The following SRGAP1 variants were observed in gnomAD, a reference collection of about 807,000 sequenced individuals.
SRGAP1 encodes SLIT-ROBO Rho GTPase-activating protein 1.
In SRGAP1, 43 loss-of-function variants were observed where a neutral mutation model predicts 121.9. The ratio of observed to expected loss-of-function variants is 0.35; its 90% confidence interval spans 0.28 to 0.46. The LOEUF is 0.46. Among genes scored for constraint, SRGAP1 ranks in the 20% least tolerant of loss-of-function variants. The pLI is 1.00. For synonymous variants in SRGAP1, 447 were observed against 485.4 expected, an observed-to-expected ratio of 0.92 and a Z score of 1.04; for missense variants, 1,102 against 1,350.9, an observed-to-expected ratio of 0.82 and a Z score of 2.89.
At chr12:64,017,773 A>T (rs961150566) in intron 4 of SRGAP1, among the ~76,000 whole-genome samples, 6 of 152,126 alleles carry the variant, frequency 3.9e-5, no homozygotes, top group African/African-American at 1.2e-4. Context: ...TGACATATTA[A>T]AACTACTTTT....
chr12:63,978,363 A>G (rs796878039), intron 1 of SRGAP1, among the ~76,000 whole-genome samples: 5 of 152,064 alleles, frequency 3.3e-5, no homozygotes, highest in African/African-American at 1.2e-4. Flanking sequence ...CTTAGCAGCC[A>G]TTTTTCCCCA....
chr12:63,892,028 G>A (rs989741914), intron 1 of SRGAP1, among the ~76,000 whole-genome samples: 2 of 149,852 alleles, frequency 1.3e-5, no homozygotes, highest in East Asian at 3.9e-4. Context: ...AAGAGATGAA[G>A]GTCGTAGAAA....
chr12:64,010,168 T>C (rs2034209574), intron 3 of SRGAP1, among the ~76,000 whole-genome samples: 1 of 152,146 alleles, frequency 6.6e-6, no homozygotes, highest in South Asian at 2.1e-4. Flanking sequence ...ATATTTAATC[T>C]GGTTTTTCTC....
intron 7 of SRGAP1, among the ~76,000 whole-genome samples, chr12:64,063,400 A>G (rs994757724): frequency 1.3e-5 from 2 of 152,172 alleles, no homozygotes; most frequent in African/African-American, 4.8e-5. Context: ...TTTTTGTTCC[A>G]CCTCAAGACA....
rs533820163 is a variant in SRGAP1, at chr12:63,947,981, G to GT, written c.68-35956dup. ...TCCTTCTATTCTTGCTTTGCTAACAGTTTTTTTTTTCCTGAATGGATTTGA... is the reference window on the plus strand; with the variant it reads ...TCCTTCTATTCTTGCTTTGCTAACAGTTTTTTTTTTTCCTGAATGGATTTGA... On this transcript the variant is annotated intron_variant, in intron 1 of 21. Coordinates refer to ENST00000355086, the MANE Select transcript of SRGAP1 (RefSeq NM_020762.4). 2.8e-3 allele frequency among the ~76,000 whole-genome samples: 409 copies of GT among 148,524 alleles called. 4 individuals are homozygous for GT. Among genetic ancestry groups the GT allele is most frequent in the African/African-American group, 9.0e-3 (367 of 40,562 alleles).
At chr12:64,067,603 A>AT (rs144922363) in intron 8 of SRGAP1, among the ~76,000 whole-genome samples, 18,112 of 152,194 alleles carry the variant, frequency 0.12, 1,300 homozygotes, top group South Asian at 0.32. Flanking sequence ...TGGGATTCCC[A>AT]AAGAAAGTAA....
intron 1 of SRGAP1, among the ~76,000 whole-genome samples, chr12:63,880,233 C>A (rs1303621764): frequency 6.6e-6 from 1 of 151,984 alleles, no homozygotes; most frequent in Non-Finnish European, 1.5e-5. Context: ...GTCCGTTAAA[C>A]CTCTTTTTCT....
At chr12:64,026,394 G>A (rs192302581) in intron 4 of SRGAP1, among the ~76,000 whole-genome samples, 6 of 152,224 alleles carry the variant, frequency 3.9e-5, no homozygotes, top group Admixed American at 2.6e-4. Flanking sequence ...CAGAAATGTT[G>A]ACCAATAGAA....
intron 1 of SRGAP1, among the ~76,000 whole-genome samples, chr12:63,900,209 T>TC (rs1565942273): frequency 1.2e-4 from 16 of 133,160 alleles, no homozygotes; most frequent in African/African-American, 4.0e-4. Flanking sequence ...TTTTTCTTTT[T>TC]TTTTTTTTTT....
chr12:63,886,448 CT>C (rs1366991816), intron 1 of SRGAP1, among the ~76,000 whole-genome samples: 1 of 149,496 alleles, frequency 6.7e-6, no homozygotes, highest in African/African-American at 2.5e-5. Flanking sequence ...CTTTTTTTTA[CT>C]TTTTTATTTT....
At chr12:64,136,697 A>G (rs1284289136) in intron 21 of SRGAP1, among the ~76,000 whole-genome samples, 1 of 152,192 alleles carries the variant, frequency 6.6e-6, no homozygotes, top group African/African-American at 2.4e-5. Context: ...GTGTACAGCA[A>G]CTTCTCAGCA....
At chr12:63,859,310 C>T (rs550835802) in intron 1 of SRGAP1, among the ~76,000 whole-genome samples, 1 of 152,054 alleles carries the variant, frequency 6.6e-6, no homozygotes, top group African/African-American at 2.4e-5. Context: ...CAGGTATGCA[C>T]CACCATGCCT....
intron 12 of SRGAP1, among the ~76,000 whole-genome samples, chr12:64,092,500 A>G (rs1489892751): frequency 6.7e-6 from 1 of 149,504 alleles, no homozygotes; most frequent in East Asian, 1.9e-4. Flanking sequence ...ATACATACAT[A>G]CATATGTACA....
chr12:63,850,878 A>G (rs1303143221), intron 1 of SRGAP1, among the ~76,000 whole-genome samples: 1 of 152,232 alleles, frequency 6.6e-6, no homozygotes, highest in Admixed American at 6.5e-5. Flanking sequence ...GAGGATGGGC[A>G]TGGTAGCTCA....
intron 3 of SRGAP1, among the ~76,000 whole-genome samples, chr12:63,997,043 A>G (rs2033732255): frequency 6.6e-6 from 1 of 152,122 alleles, no homozygotes; most frequent in Admixed American, 6.6e-5. Flanking sequence ...TTATTTAGTA[A>G]CAACAGGATA....
At chr12:63,870,684 C>T (rs529233171) in intron 1 of SRGAP1, among the ~76,000 whole-genome samples, 5 of 152,024 alleles carry the variant, frequency 3.3e-5, no homozygotes, top group African/African-American at 1.2e-4. Flanking sequence ...GGACTGCAGG[C>T]GTGTGCCACC....
chr12:63,901,775 T>G (rs2029944716), intron 1 of SRGAP1, among the ~76,000 whole-genome samples: 1 of 152,196 alleles, frequency 6.6e-6, no homozygotes, highest in South Asian at 2.1e-4. Flanking sequence ...TTAATGAGAT[T>G]TTAAAATTAA....
At chr12:64,082,146 G>A (rs1417409568) in intron 10 of SRGAP1, among the ~76,000 whole-genome samples, 1 of 151,668 alleles carries the variant, frequency 6.6e-6, no homozygotes, top group Admixed American at 6.6e-5. Context: ...CTATGAGGAT[G>A]GATACCACTT....
chr12:63,984,658 A>G (rs2033364036), intron 2 of SRGAP1, among the ~76,000 whole-genome samples: 1 of 152,164 alleles, frequency 6.6e-6, no homozygotes, highest in Non-Finnish European at 1.5e-5. Flanking sequence ...TTTAATTATG[A>G]TTTATTTGCT....
Sources: allele counts gnomAD v4.1 joint callset (sites outside exome capture counted in the v4.1 genomes callset), GRCh38; gene constraint gnomAD v4.1.1; transcripts MANE v1.5; gene names NCBI Gene and HGNC (gene_info 2026-07-23, HGNC 2026-07-21).